The following DNAI1 variants were observed in gnomAD, a reference collection of about 807,000 sequenced individuals.
DNAI1 encodes dynein, axonemal, intermediate polypeptide 1.
A neutral mutation model predicts 92.0 loss-of-function variants in DNAI1; 67 were observed. The observed-to-expected ratio is 0.73, with a 90% CI of 0.60 to 0.89. The LOEUF (loss-of-function observed/expected upper bound fraction) is 0.89, where lower values mean the gene tolerates loss of function less well. Among genes scored for constraint, DNAI1 ranks in the 40% least tolerant of loss-of-function variants. The pLI is 0.00. For missense variants in DNAI1, 839 were observed against 866.6 expected (o/e 0.97, Z 0.40); for synonymous variants, 323 against 319.6 (o/e 1.01, Z -0.11).
At chr9:34,485,120 C>G in intron 2 of DNAI1, 22 bp from the exon 3 acceptor site, 1 of 1,613,072 alleles carries the variant, frequency 6.2e-7, no homozygotes, top group Non-Finnish European at 8.5e-7. Flanking sequence ...ACTCCCAAGC[C>G]TCATGTGAGG....
chr9:34,512,426 T>C lies in DNAI1; in HGVS notation c.1489+2T>C. ...AGGGGTTGCAGCTGCACCCAGTGGGTAGGAGCCCCAGCCCTCTCACCTCCA... is the reference window on the plus strand; with the variant it reads ...AGGGGTTGCAGCTGCACCCAGTGGGCAGGAGCCCCAGCCCTCTCACCTCCA... On this transcript the variant is annotated splice_donor_variant, in intron 15 of 19. Coordinates refer to ENST00000242317, the MANE Select transcript of DNAI1 (RefSeq NM_012144.4). LOFTEE classifies it high-confidence loss of function. The C allele has an allele frequency of 6.2e-7, 1 of 1,614,002 alleles. No homozygotes were observed. Among genetic ancestry groups the C allele is most frequent in the Non-Finnish European group, 8.5e-7 (1 of 1,179,936 alleles).
intron 1 of DNAI1, among the ~76,000 whole-genome samples, chr9:34,469,958 T>C (rs1824108589): frequency 6.6e-6 from 1 of 152,204 alleles, no homozygotes; most frequent in African/African-American, 2.4e-5. Context: ...AAGTAGGGCT[T>C]ACACTGTATA....
chr9:34,493,244 C>T lies in DNAI1; in HGVS notation c.732C>T (p.Thr244=), dbSNP rs947504661. 5 of 1,614,038 alleles carry T rather than the reference C, an allele frequency of 3.1e-6. No homozygotes were observed. Among genetic ancestry groups the T allele is most frequent in the Non-Finnish European group, 4.2e-6 (5 of 1,180,020 alleles). ...AGGAACTTGAGAAGCAGGAAAAGAC[C>T]AAAGAGAAGGAGAAGGCAAAGACCC... The part of the protein sequence containing the change: ...YVEELEKQEK[T]KEKEKAKTPV... The change falls in exon 9 of 20, where the codon ACC becomes ACT. Residue 244 remains threonine (T), a synonymous_variant. Coordinates refer to ENST00000242317, the MANE Select transcript of DNAI1 (RefSeq NM_012144.4).
chr9:34,508,770 T>C (rs1301475750), intron 13 of DNAI1, among the ~76,000 whole-genome samples: 1 of 152,208 alleles, frequency 6.6e-6, no homozygotes, highest in Non-Finnish European at 1.5e-5. Context: ...AGAAACATTA[T>C]TGCTTTCGCT....
intron 7 of DNAI1, 74 bp from the exon 8 acceptor site, chr9:34,491,421 C>G: frequency 1.9e-6 from 3 of 1,557,688 alleles, no homozygotes; most frequent in East Asian, 2.2e-5. Context: ...ATGCTTCTCT[C>G]AAAGATATAC....
intron 12 of DNAI1, among the ~76,000 whole-genome samples, chr9:34,504,018 G>A (rs1824879414): frequency 6.6e-6 from 1 of 152,204 alleles, no homozygotes; most frequent in Admixed American, 6.5e-5. Context: ...GACTTCTCAT[G>A]GTCTTCCAGG....
Position 34,520,776 on chromosome 9 carries a change from G to A in DNAI1, c.*20G>A. ...ACCTGAGGGGCTGGCCTCAGTCTCT[G>A]TCCCATCGCTTGAATACAGTACTCC... On this transcript the variant is annotated 3_prime_UTR_variant, in exon 20 of 20. Coordinates refer to ENST00000242317, the MANE Select transcript of DNAI1 (RefSeq NM_012144.4). 6.4e-7 allele frequency: 1 copy of A among 1,551,164 alleles called. No homozygotes were observed. Among genetic ancestry groups the A allele is most frequent in the Non-Finnish European group, 8.7e-7 (1 of 1,146,560 alleles).
At chr9:34,495,463 C>A (rs1824702874) in intron 9 of DNAI1, among the ~76,000 whole-genome samples, 1 of 152,188 alleles carries the variant, frequency 6.6e-6, no homozygotes, top group Non-Finnish European at 1.5e-5. Flanking sequence ...TGTAAAGATA[C>A]CCTAATGATA....
At chr9:34,481,488 G>T (rs1350636063) in intron 1 of DNAI1, among the ~76,000 whole-genome samples, 1 of 152,188 alleles carries the variant, frequency 6.6e-6, no homozygotes, top group Admixed American at 6.5e-5. Flanking sequence ...AACTTGGGAA[G>T]GCTCAACCTC....
At chr9:34,509,899 CAA>C (rs141472357) in intron 13 of DNAI1, among the ~76,000 whole-genome samples, 10 of 105,062 alleles carry the variant, frequency 9.5e-5, no homozygotes, top group African/African-American at 1.0e-4. Context: ...GACTCCGTCT[CAA>C]AAAAAAAAAA....
intron 8 of DNAI1, among the ~76,000 whole-genome samples, chr9:34,492,114 A>C (rs190386837): frequency 6.6e-6 from 1 of 152,262 alleles, no homozygotes; most frequent in Admixed American, 6.5e-5. Context: ...CTTTCTCTCT[A>C]AAGAGAGGAT....
At chr9:34,514,056 C>T (rs1825123738) in intron 16 of DNAI1, among the ~76,000 whole-genome samples, 2 of 152,316 alleles carry the variant, frequency 1.3e-5, no homozygotes, top group Middle Eastern at 6.8e-3. Flanking sequence ...GGCCAGACCA[C>T]ACCTCACTCA....
intron 13 of DNAI1, among the ~76,000 whole-genome samples, chr9:34,508,306 T>G (rs1824983123): frequency 6.6e-6 from 1 of 152,270 alleles, no homozygotes; most frequent in Non-Finnish European, 1.5e-5. Flanking sequence ...GGGGCCATGG[T>G]GCCCTCTCAG....
chr9:34,516,307 G>A (rs765158544), intron 18 of DNAI1, among the ~76,000 whole-genome samples: 1 of 152,186 alleles, frequency 6.6e-6, no homozygotes, highest in Admixed American at 6.5e-5. Flanking sequence ...ATAGTGCCAA[G>A]GGAGACTGTG....
chr9:34,482,521 C>T (rs1824380244), intron 1 of DNAI1, among the ~76,000 whole-genome samples: 1 of 148,356 alleles, frequency 6.7e-6, no homozygotes, highest in Non-Finnish European at 1.5e-5. Context: ...ATTTACAATC[C>T]TTGAGCTAGA....
chr9:34,497,107 C>G lies in DNAI1; in HGVS notation c.817-8C>G. 6.2e-7 allele frequency: 1 copy of G among 1,612,440 alleles called. No individual in the cohort carries two copies. The highest frequency in any genetic ancestry group is 8.5e-7 in the Non-Finnish European group (1 of 1,178,476). On this transcript the variant is annotated splice_polypyrimidine_tract_variant and splice_region_variant and intron_variant, in intron 9 of 19. Transcript: ENST00000242317. The stretch of plus-strand genomic sequence containing the variant: ...TTATGAGGACCTGAAGTTTCTGTAT[C>G]CCCACAGACTGATGATCTCATCAAA...
Position 34,517,417 on chromosome 9 carries a change from G to A in DNAI1, c.1951G>A (p.Gly651Arg), listed in dbSNP as rs1398691706. The change falls in exon 19 of 20, where the codon GGG becomes AGG. Residue 651 changes from glycine (G) to arginine (R), a missense_variant. Transcript: ENST00000242317. ...HPIIIVGDDR[G>R]HIISLKLSPN... ...CATCATCATTGTGGGCGATGACCGT[G>A]GGCACATCATCAGCCTCAAGCTCTC... 1.2e-6 allele frequency: 2 copies of A among 1,614,062 alleles called. No individual in the cohort carries two copies. Among genetic ancestry groups the A allele is most frequent in the African/African-American group, 1.3e-5 (1 of 74,916 alleles).
chr9:34,459,407 T>C (rs1823896469), intron 1 of DNAI1, among the ~76,000 whole-genome samples: 1 of 152,174 alleles, frequency 6.6e-6, no homozygotes. Context: ...TCTCACATTC[T>C]TGTCCCAAAG....
intron 1 of DNAI1, among the ~76,000 whole-genome samples, chr9:34,461,090 C>T (rs1295725536): frequency 6.6e-6 from 1 of 152,176 alleles, no homozygotes; most frequent in Non-Finnish European, 1.5e-5. Flanking sequence ...GATCTGCCCG[C>T]CTCGGCCTCC....
Sources: allele counts gnomAD v4.1 joint callset (sites outside exome capture counted in the v4.1 genomes callset), GRCh38; gene constraint gnomAD v4.1.1; transcripts MANE v1.5; gene names NCBI Gene and HGNC (gene_info 2026-07-23, HGNC 2026-07-21).